The following TSHZ2 variants were observed in gnomAD, a reference collection of about 807,000 sequenced individuals.
TSHZ2 encodes the protein teashirt homolog 2.
In TSHZ2, 21 loss-of-function variants were observed where a neutral mutation model predicts 74.4. That is an observed-to-expected ratio of 0.28 (90% confidence interval 0.20 to 0.41). The LOEUF (loss-of-function observed/expected upper bound fraction) is 0.41, where lower values mean the gene tolerates loss of function less well. Ranked by LOEUF, TSHZ2 falls within the 10% of genes least tolerant of loss-of-function variation. The probability of loss-of-function intolerance (pLI) is 1.00; values close to 1 mark genes in which losing one functional copy is unlikely to be tolerated. For missense variants in TSHZ2, 1,244 were observed against 1,293.5 expected, an observed-to-expected ratio of 0.96 and a Z score of 0.59; for synonymous variants, 540 against 515.3, an observed-to-expected ratio of 1.05 and a Z score of -0.65.
chr20:53,216,195 A>C (rs183274599), intron 1 of TSHZ2, among the ~76,000 whole-genome samples: 1 of 151,830 alleles, frequency 6.6e-6, no homozygotes, highest in Admixed American at 6.6e-5. Flanking sequence ...TATGAAGTCA[A>C]CACCCAAGGA....
intron 1 of TSHZ2, among the ~76,000 whole-genome samples, chr20:53,051,639 AC>A (rs1323991876): frequency 4.6e-5 from 7 of 152,320 alleles, no homozygotes; most frequent in African/African-American, 1.7e-4. Context: ...TGAGTTACTT[AC>A]AGGCCTTGCC....
intron 2 of TSHZ2, among the ~76,000 whole-genome samples, chr20:53,353,989 T>A (rs993472836): frequency 1.1e-4 from 17 of 152,184 alleles, no homozygotes; most frequent in African/African-American, 4.1e-4. Flanking sequence ...GGACAGTTGG[T>A]CACCCTATCA....
At chr20:53,190,931 G>C (rs147215698) in intron 1 of TSHZ2, among the ~76,000 whole-genome samples, 149 of 152,242 alleles carry the variant, frequency 9.8e-4, no homozygotes, top group African/African-American at 3.3e-3. Context: ...TTTTTTTTGT[G>C]AAATGAATGT....
At chr20:53,162,431 C>A (rs1293401) in intron 1 of TSHZ2, among the ~76,000 whole-genome samples, 8,870 of 152,278 alleles carry the variant, frequency 0.058, 337 homozygotes, top group East Asian at 0.09. Context: ...GTTGCCCACT[C>A]GCTTCCTCTT....
intron 1 of TSHZ2, among the ~76,000 whole-genome samples, chr20:53,241,431 G>A (rs1004514921): frequency 4.6e-5 from 7 of 152,142 alleles, no homozygotes; most frequent in African/African-American, 1.7e-4. Flanking sequence ...GTTTAGAAAT[G>A]CTAATCCCTT....
chr20:53,122,085 G>C (rs1986826240), intron 1 of TSHZ2, among the ~76,000 whole-genome samples: 1 of 152,036 alleles, frequency 6.6e-6, no homozygotes, highest in Admixed American at 6.6e-5. Flanking sequence ...TCAGTAGTTT[G>C]AGACCAGGCT....
rs34045440 is a variant in TSHZ2 at position 53,140,539 on chromosome 20, CAAAAAAAAAAA to C, written c.41-112945_41-112935del. ...TGGGTGACAGAGCAAGACTCCGTCT[CAAAAAAAAAAA>C]AAAAAAAAAAAAAAGAGGGACAGTC... On this transcript the variant is annotated intron_variant, in intron 1 of 2. Transcript: ENST00000371497. 1.9e-4 allele frequency among the ~76,000 whole-genome samples: 15 copies of C among 79,790 alleles called. No homozygotes were observed. In the South Asian group the frequency reaches 5.1e-3, roughly 27 times the overall value. The allele number at this position is 79,790 out of a possible 152,430, so 52.3% of individuals were successfully genotyped here.
At chr20:53,135,388 C>G (rs1987220242) in intron 1 of TSHZ2, among the ~76,000 whole-genome samples, 1 of 152,104 alleles carries the variant, frequency 6.6e-6, no homozygotes. Flanking sequence ...TAGATAGAAG[C>G]CCGCAGTAAT....
intron 1 of TSHZ2, among the ~76,000 whole-genome samples, chr20:52,999,570 T>C (rs1982334376): frequency 6.6e-6 from 1 of 152,192 alleles, no homozygotes; most frequent in South Asian, 2.1e-4. Context: ...CCAGCTGGTG[T>C]CGTATGTGAC....
intron 1 of TSHZ2, among the ~76,000 whole-genome samples, chr20:53,189,296 A>G (rs1012338110): frequency 6.6e-6 from 1 of 152,236 alleles, no homozygotes; most frequent in Non-Finnish European, 1.5e-5. Flanking sequence ...GACATAAGTC[A>G]AATGGAAGTC....
intron 1 of TSHZ2, among the ~76,000 whole-genome samples, chr20:53,147,098 T>C (rs1310600604): frequency 6.6e-6 from 1 of 151,750 alleles, no homozygotes; most frequent in Non-Finnish European, 1.5e-5. Context: ...AATGTATTAA[T>C]TACATGCTTT....
chr20:53,019,665 G>A (rs952050391), intron 1 of TSHZ2, among the ~76,000 whole-genome samples: 1 of 152,118 alleles, frequency 6.6e-6, no homozygotes, highest in African/African-American at 2.4e-5. Flanking sequence ...CCACCACTTT[G>A]GAATTACATC....
At chr20:53,072,282 G>T (rs1219172657) in intron 1 of TSHZ2, among the ~76,000 whole-genome samples, 1 of 152,116 alleles carries the variant, frequency 6.6e-6, no homozygotes, top group African/African-American at 2.4e-5. Context: ...CATGTTTTTG[G>T]CTTCTTTAAG....
intron 1 of TSHZ2, among the ~76,000 whole-genome samples, chr20:53,156,098 C>T (rs1054518184): frequency 6.6e-6 from 1 of 152,142 alleles, no homozygotes; most frequent in Non-Finnish European, 1.5e-5. Flanking sequence ...TGCCACAGTC[C>T]TCACCATTCT....
At chr20:53,470,998 A>T (rs6013699) in intron 2 of TSHZ2, among the ~76,000 whole-genome samples, 1 of 151,978 alleles carries the variant, frequency 6.6e-6, no homozygotes, top group African/African-American at 2.4e-5. Flanking sequence ...TATTTATCCA[A>T]TATGTTTCAA....
intron 1 of TSHZ2, among the ~76,000 whole-genome samples, chr20:53,123,755 G>A (rs186254841): frequency 2.0e-5 from 3 of 152,082 alleles, no homozygotes; most frequent in Non-Finnish European, 4.4e-5. Flanking sequence ...CCCATTTCCC[G>A]AATTATGGAA....
At chr20:53,438,158 G>A (rs1462895240) in intron 2 of TSHZ2, among the ~76,000 whole-genome samples, 2 of 146,082 alleles carry the variant, frequency 1.4e-5, no homozygotes, top group Admixed American at 1.4e-4. Flanking sequence ...CACCCAGGCT[G>A]GAGTGCAGTG....
chr20:53,401,012 C>G (rs1259743523), intron 2 of TSHZ2: 1 of 152,152 alleles, frequency 6.6e-6, no homozygotes, highest in Admixed American at 6.5e-5. Context: ...ACTTTTATTC[C>G]CATTTGACCA....
At chr20:53,401,774 CTT>C (rs59656180) in intron 2 of TSHZ2, among the ~76,000 whole-genome samples, 408 of 94,878 alleles carry the variant, frequency 4.3e-3, no homozygotes, top group African/African-American at 0.018. Flanking sequence ...AACACATTTT[CTT>C]TTTTTTTTTT....
Sources: gnomAD v4.1 joint callset for allele counts (sites outside exome capture counted in the v4.1 genomes callset) on GRCh38, gnomAD v4.1.1 for gene constraint, MANE v1.5 for transcripts, NCBI Gene and HGNC (gene_info 2026-07-23, HGNC 2026-07-21) for gene names.